DYRK1A: variants seen among roughly 807,000 people sequenced by gnomAD.
The protein encoded by DYRK1A is dual specificity tyrosine phosphorylation regulated kinase 1A, also known as dual specificity tyrosine-phosphorylation-regulated kinase 1A.
A neutral mutation model predicts 79.7 loss-of-function variants in DYRK1A; 9 were observed. The observed-to-expected ratio is 0.11, with a 90% CI of 0.07 to 0.20. DYRK1A has a LOEUF of 0.20. Ranked by LOEUF, DYRK1A falls within the 10% of genes least tolerant of loss-of-function variation. The pLI is 1.00. For synonymous variants in DYRK1A, 349 were observed against 329.7 expected, an observed-to-expected ratio of 1.06 and a Z score of -0.63; for missense variants, 622 against 956.0, an observed-to-expected ratio of 0.65 and a Z score of 4.61.
At position 37,514,548 on chromosome 21, in the gene DYRK1A, T is replaced by C. The variant is rs1486100719; in HGVS notation, c.*2017T>C. The C allele has an allele frequency of 6.6e-6, 1 of 152,656 alleles. No homozygotes were observed. The highest frequency in any genetic ancestry group is 1.5e-5 in the Non-Finnish European group (1 of 68,036). The allele number at this position is 152,656 out of a possible 1,614,324, so 9.5% of individuals were successfully genotyped here. On this transcript the variant is annotated 3_prime_UTR_variant, in exon 12 of 12. Coordinates refer to ENST00000647188, the MANE Select transcript of DYRK1A (RefSeq NM_001347721.2). ...ATTTTTTTTCTGAACAAAAGCAGGT[T>C]TTTATATGTAAACAGTGAGAAAAGA...
Position 37,427,501 on chromosome 21 carries a change from A to G in DYRK1A, c.10+7117A>G, listed in dbSNP as rs989363627. On this transcript the variant is annotated intron_variant, in intron 2 of 11. Coordinates refer to ENST00000647188, the MANE Select transcript of DYRK1A (RefSeq NM_001347721.2). Reference sequence around the variant, plus strand: ...TTCTTCTATAGTACTGTTTTAAATGACTAATCAGTATTCTGCGAATTAGTT... The same window carrying G: ...TTCTTCTATAGTACTGTTTTAAATGGCTAATCAGTATTCTGCGAATTAGTT... 2.0e-5 allele frequency among the ~76,000 whole-genome samples: 3 copies of G among 152,350 alleles called. No individual in the cohort carries two copies. The East Asian group carries it at 5.8e-4, about 29-fold the overall frequency.
intron 4 of DYRK1A, among the ~76,000 whole-genome samples, chr21:37,479,612 GTTTTTTGTTT>G (rs1369346809): frequency 5.9e-4 from 28 of 47,158 alleles, no homozygotes; most frequent in Non-Finnish European, 9.1e-4. Context: ...TTTTGTTTTT[GTTTTTTGTTT>G]TTTTTTTTTT....
At chr21:37,423,561 TTTGA>T (rs1235478801) in intron 2 of DYRK1A, among the ~76,000 whole-genome samples, 1 of 152,148 alleles carries the variant, frequency 6.6e-6, no homozygotes, top group Non-Finnish European at 1.5e-5. Context: ...CTTCAGTTTA[TTTGA>T]TTAAGGGACC....
At chr21:37,472,660 TA>T (rs778246194) in intron 2 of DYRK1A, 23 bp from the exon 3 acceptor site, 1 of 1,546,686 alleles carries the variant, frequency 6.5e-7, no homozygotes, top group East Asian at 2.3e-5. Flanking sequence ...ATATTTCCTT[TA>T]AACCTCACTT....
At chr21:37,488,403 T>A (rs2052952734) in intron 6 of DYRK1A, 1 of 731,022 alleles carries the variant, frequency 1.4e-6, no homozygotes, top group Non-Finnish European at 1.7e-6. Flanking sequence ...TTAAAGTGAT[T>A]GATGAGTCTG....
chr21:37,468,148 C>T (rs1313368286), intron 2 of DYRK1A, among the ~76,000 whole-genome samples: 1 of 152,038 alleles, frequency 6.6e-6, no homozygotes, highest in Non-Finnish European at 1.5e-5. Flanking sequence ...GTCTCTGTTA[C>T]CCAGGCTGGA....
chr21:37,386,901 G>A (rs984177082), intron 1 of DYRK1A, among the ~76,000 whole-genome samples: 1 of 152,238 alleles, frequency 6.6e-6, no homozygotes, highest in Non-Finnish European at 1.5e-5. Context: ...GGATAAGAAT[G>A]TGGTACCTTG....
intron 9 of DYRK1A, among the ~76,000 whole-genome samples, chr21:37,499,729 C>T (rs2053383553): frequency 6.6e-6 from 1 of 152,078 alleles, no homozygotes; most frequent in Admixed American, 6.5e-5. Context: ...TTTTGGTATA[C>T]AGAAATACAA....
intron 9 of DYRK1A, among the ~76,000 whole-genome samples, chr21:37,497,064 A>G (rs1443549830): frequency 6.6e-6 from 1 of 152,198 alleles, no homozygotes; most frequent in Non-Finnish European, 1.5e-5. Context: ...ATGTACATAC[A>G]GAAGTCACCT....
chr21:37,429,238 T>C (rs2050709784), intron 2 of DYRK1A, among the ~76,000 whole-genome samples: 1 of 151,936 alleles, frequency 6.6e-6, no homozygotes, highest in African/African-American at 2.4e-5. Flanking sequence ...TTAAAAACCA[T>C]TGTTGAGTGC....
In DYRK1A at chr21:37,367,095, G is replaced by A. The variant is rs1236644093; in HGVS notation, c.-610G>A. 2 of 154,228 alleles carry A rather than the reference G, an allele frequency of 1.3e-5. No homozygotes were observed. Among genetic ancestry groups the A allele is most frequent in the East Asian group, 3.9e-4 (2 of 5,168 alleles). 9.6% of individuals were successfully genotyped at this position (154,228 alleles called of 1,614,324 possible). A position where few individuals can be genotyped will look rare whatever the true frequency, so the allele number is the denominator to read the frequency against. ...TGAGTGCGAGTGTGTGTGCGAGGGA[G>A]CGTGTGCGAGGGCGATTGTGCGCGC... On this transcript the variant is annotated 5_prime_UTR_variant, in exon 1 of 12. Transcript: ENST00000647188.
intron 2 of DYRK1A, among the ~76,000 whole-genome samples, chr21:37,433,740 C>T (rs1273505171): frequency 1.3e-5 from 2 of 152,164 alleles, no homozygotes; most frequent in Non-Finnish European, 2.9e-5. Flanking sequence ...GAGCTAATCT[C>T]ATGAAAGCTT....
chr21:37,506,116 A>C lies in DYRK1A; in HGVS notation c.1537A>C (p.Ser513Arg). 1 of 1,612,154 alleles carries C rather than the reference A, an allele frequency of 6.2e-7. No homozygotes were observed. Among genetic ancestry groups the C allele is most frequent in the Non-Finnish European group, 8.5e-7 (1 of 1,178,382 alleles). ...SSSSGGSSGTSNSGRARSDPT... is the reference protein window; with the variant it reads ...SSSSGGSSGTRNSGRARSDPT... ...TATTTCAGGTGGCTCATCGGGGACAAGCAACAGTGGGAGAGCCCGGTCGGA... is the reference window on the plus strand; with the variant it reads ...TATTTCAGGTGGCTCATCGGGGACACGCAACAGTGGGAGAGCCCGGTCGGA... Residue 513 changes from serine (S) to arginine (R), a missense_variant, in exon 11 of 12, where the codon AGC becomes CGC. Physicochemically the swap from Ser to Arg is moderately radical, Grantham distance 110. Around this residue, in one of 5 missense-constraint regions of DYRK1A, gnomAD observed 292 missense variants for 316.7 expected, o/e 0.92. Coordinates refer to ENST00000647188, the MANE Select transcript of DYRK1A (RefSeq NM_001347721.2).
chr21:37,406,016 CTTTTT>C (rs913148077), intron 1 of DYRK1A, among the ~76,000 whole-genome samples: 1 of 144,370 alleles, frequency 6.9e-6, no homozygotes, highest in South Asian at 2.2e-4. Flanking sequence ...GGTCATTCCT[CTTTTT>C]TTTTTTAAGG....
chr21:37,479,477 T>C (rs2052521647), intron 4 of DYRK1A, among the ~76,000 whole-genome samples: 1 of 151,748 alleles, frequency 6.6e-6, no homozygotes, highest in African/African-American at 2.4e-5. Flanking sequence ...TCTGATGTTA[T>C]TCCATGCAGT....
chr21:37,456,623 T>C (rs2051646561), intron 2 of DYRK1A, among the ~76,000 whole-genome samples: 1 of 152,188 alleles, frequency 6.6e-6, no homozygotes, highest in Non-Finnish European at 1.5e-5. Context: ...GGGGAATTTC[T>C]AATGTGTCTT....
intron 5 of DYRK1A, among the ~76,000 whole-genome samples, chr21:37,485,212 G>C (rs780149522): frequency 2.6e-5 from 4 of 152,174 alleles, no homozygotes; most frequent in African/African-American, 2.4e-5. Flanking sequence ...CAAGTCAGTA[G>C]ATACTTGGGC....
At position 37,479,620 on chromosome 21, in the gene DYRK1A, T is replaced by TTTTTTTTTTTG. The variant is rs1569362426; in HGVS notation, c.301-1008_301-1007insGTTTTTTTTTT. Among the ~76,000 whole-genome samples the TTTTTTTTTTTG allele has an allele frequency of 9.0e-5, 7 of 77,690 alleles. 1 individual carries two copies. Among genetic ancestry groups the TTTTTTTTTTTG allele is most frequent in the Non-Finnish European group, 1.6e-4 (7 of 43,854 alleles). 51.0% of individuals were successfully genotyped at this position (77,690 alleles called of 152,430 possible). A position where few individuals can be genotyped will look rare whatever the true frequency, so the allele number is the denominator to read the frequency against. ...TTTTTGTTTTTGTTTTTGTTTTTTG[T>TTTTTTTTTTTG]TTTTTTTTTTTTTTTTGGAGACAGA... On this transcript the variant is annotated intron_variant, in intron 4 of 11. Coordinates refer to ENST00000647188, the MANE Select transcript of DYRK1A (RefSeq NM_001347721.2).
intron 8 of DYRK1A, among the ~76,000 whole-genome samples, chr21:37,493,930 C>CT (rs2053176241): frequency 9.6e-6 from 1 of 104,480 alleles, no homozygotes; most frequent in African/African-American, 3.4e-5. Flanking sequence ...CCTTTTAATT[C>CT]TTCTTTTTTT....
Sources: allele counts gnomAD v4.1 joint callset (sites outside exome capture counted in the v4.1 genomes callset), GRCh38; gene constraint gnomAD v4.1.1; regional missense constraint gnomAD v4.1.1; transcripts MANE v1.5; gene names NCBI Gene and HGNC (gene_info 2026-07-23, HGNC 2026-07-21).